The following IQSEC1 variants were observed in gnomAD, a reference collection of about 807,000 sequenced individuals.
IQSEC1 encodes the protein IQ motif and SEC7 domain-containing protein 1.
A neutral mutation model predicts 91.0 loss-of-function variants in IQSEC1; 31 were observed. The ratio of observed to expected loss-of-function variants is 0.34; its 90% CI spans 0.26 to 0.46. The LOEUF (loss-of-function observed/expected upper bound fraction) is 0.46. Among genes scored for constraint, IQSEC1 ranks in the 20% least tolerant of loss-of-function variants. The probability of loss-of-function intolerance (pLI) is 1.00; values close to 1 mark genes in which losing one functional copy is unlikely to be tolerated. For synonymous variants in IQSEC1, 699 were observed against 662.6 expected, an observed-to-expected ratio of 1.05 and a Z score of -0.84; for missense variants, 1,388 against 1,575.6, an observed-to-expected ratio of 0.88 and a Z score of 2.02.
chr3:12,901,621 G>A (rs1452424567), intron 13 of IQSEC1, 99 bp from the exon 14 acceptor site: 5 of 1,034,114 alleles, frequency 4.8e-6, no homozygotes, highest in Admixed American at 4.6e-5. Context: ...CCCACTGACT[G>A]CTAAGCTTTA....
chr3:13,176,397 A>C (rs34471533), intron 1 of IQSEC1, among the ~76,000 whole-genome samples: 2,543 of 152,062 alleles, frequency 0.017, 73 homozygotes, highest in African/African-American at 0.057. Flanking sequence ...GACTCTCCAG[A>C]CCCCATGAGA....
intron 1 of IQSEC1, among the ~76,000 whole-genome samples, chr3:13,226,905 C>T (rs986479224): frequency 5.3e-5 from 8 of 152,108 alleles, no homozygotes; most frequent in African/African-American, 1.4e-4. Flanking sequence ...ACAGCCTCCA[C>T]CCCCAAGGAC....
intron 1 of IQSEC1, among the ~76,000 whole-genome samples, chr3:13,203,494 C>T (rs536336731): frequency 6.4e-4 from 97 of 152,326 alleles, no homozygotes; most frequent in Non-Finnish European, 1.3e-3. Context: ...ACTCCCAAGC[C>T]TGTCCTGGTG....
At chr3:13,082,860 A>G (rs1335710789) in intron 2 of IQSEC1, among the ~76,000 whole-genome samples, 1 of 151,964 alleles carries the variant, frequency 6.6e-6, no homozygotes, top group Non-Finnish European at 1.5e-5. Flanking sequence ...GCCCACTGTC[A>G]GCCCCCCACT....
upstream of IQSEC1, among the ~76,000 whole-genome samples, chr3:13,073,572 C>T (rs376472791): frequency 3.3e-3 from 495 of 152,098 alleles, 6 homozygotes; most frequent in Admixed American, 0.025. Flanking sequence ...TGCGCCCTCG[C>T]GGCAAAGTCA....
chr3:13,074,884 A>G (rs1705538491), upstream of IQSEC1, among the ~76,000 whole-genome samples: 1 of 152,210 alleles, frequency 6.6e-6, no homozygotes, highest in South Asian at 2.1e-4. Context: ...TCAGGGGGTG[A>G]GCGATTTGCC....
intron 1 of IQSEC1, among the ~76,000 whole-genome samples, chr3:13,264,676 G>A (rs1048953184): frequency 1.1e-4 from 16 of 152,082 alleles, no homozygotes; most frequent in African/African-American, 3.9e-4. Context: ...GCAAGTGAAT[G>A]GGTGAACGAA....
In IQSEC1 at chr3:13,157,434, C is replaced by T. The variant is rs138914517; in HGVS notation, c.302+6670G>A. Among the ~76,000 whole-genome samples the T allele has an allele frequency of 4.6e-4, 70 of 152,284 alleles. 2 individuals carry two copies. The East Asian group carries it at 0.013, about 29-fold the overall frequency. ...AAAGGCCCAGTAGTGCCTCTGAAAG[C>T]AGGCTGAGGGTATCCAGAGGCCATT... On this transcript the variant is annotated intron_variant, in intron 2 of 15. Transcript: ENST00000648114.
At chr3:13,261,132 A>C (rs1479543502) in intron 1 of IQSEC1, among the ~76,000 whole-genome samples, 3 of 152,210 alleles carry the variant, frequency 2.0e-5, no homozygotes, top group Non-Finnish European at 4.4e-5. Context: ...TATAGCGGAC[A>C]CTGGGGAGGC....
Position 13,210,296 on chromosome 3 carries a change from G to A in IQSEC1, c.273-46163C>T, listed in dbSNP as rs190893964. Among the ~76,000 whole-genome samples, 281 of 151,718 alleles carry A rather than the reference G, an allele frequency of 1.9e-3. 2 individuals carry two copies. The highest frequency in any genetic ancestry group is 6.3e-3 in the African/African-American group (260 of 41,364). ...CCAAGTGCCCGGGACAGGGTAGGTC[G>A]TGCCCTTATCCTCGGGTGCCCTCCC... On this transcript the variant is annotated intron_variant, in intron 1 of 15. Coordinates refer to the IQSEC1 transcript ENST00000648114.
chr3:13,252,730 T>TTTTTTTTTTTTG (rs60219953), intron 1 of IQSEC1, among the ~76,000 whole-genome samples: 27 of 150,838 alleles, frequency 1.8e-4, no homozygotes, highest in Admixed American at 4.6e-4. Context: ...TTTTTTTTGT[T>TTTTTTTTTTTTG]TTTGTTTGTT....
At chr3:13,202,737 A>C (rs183809258) in intron 1 of IQSEC1, among the ~76,000 whole-genome samples, 38 of 152,296 alleles carry the variant, frequency 2.5e-4, no homozygotes, top group African/African-American at 8.2e-4. Flanking sequence ...TGAATGTACT[A>C]ATACCCCTGA....
At chr3:13,272,310 G>C (rs557854059) in intron 1 of IQSEC1, among the ~76,000 whole-genome samples, 4 of 152,326 alleles carry the variant, frequency 2.6e-5, no homozygotes, top group Non-Finnish European at 4.4e-5. Context: ...CATCAAGGTT[G>C]CTATTATTGC....
intron 1 of IQSEC1, among the ~76,000 whole-genome samples, chr3:13,053,498 G>A (rs926047359): frequency 1.3e-5 from 2 of 152,354 alleles, no homozygotes; most frequent in East Asian, 1.9e-4. Flanking sequence ...TCAGCCAGAC[G>A]ATGACCTTGT....
rs913102645 is a variant in IQSEC1, at chr3:12,900,822, C to G, written c.*161G>C. 2.0e-6 allele frequency: 3 copies of G among 1,498,428 alleles called. No homozygotes were observed. Among genetic ancestry groups the G allele is most frequent in the African/African-American group, 2.8e-5 (2 of 72,040 alleles). 92.8% of individuals were successfully genotyped at this position (1,498,428 alleles called of 1,614,324 possible). On this transcript the variant is annotated 3_prime_UTR_variant, in exon 14 of 14. Coordinates refer to ENST00000613206, the MANE Select transcript of IQSEC1 (RefSeq NM_001134382.3). Reference sequence around the variant, plus strand: ...ATCTGGGCCTTTGTTCCACACAACACCAGCCCTGTGGGCTCCTGGGGCTCC... The same window carrying G: ...ATCTGGGCCTTTGTTCCACACAACAGCAGCCCTGTGGGCTCCTGGGGCTCC...
chr3:13,162,537 A>G lies in IQSEC1; in HGVS notation c.302+1567T>C, dbSNP rs67204987. ...ATTCCTAGGTCTGCCCTGAGGAAGC[A>G]TACAGGCACTGGAGGCCCTGCCCCT... On this transcript the variant is annotated intron_variant, in intron 2 of 15. Transcript: ENST00000648114. Among the ~76,000 whole-genome samples the G allele has an allele frequency of 4.9e-3, 742 of 152,316 alleles. 6 individuals carry two copies. The highest frequency in any genetic ancestry group is 0.017 in the African/African-American group (689 of 41,566).
chr3:13,019,745 G>C (rs892392421), intron 1 of IQSEC1, among the ~76,000 whole-genome samples: 12 of 152,160 alleles, frequency 7.9e-5, no homozygotes, highest in Non-Finnish European at 1.5e-4. Flanking sequence ...TGCCAATTAT[G>C]GTGCCCACAC....
chr3:12,936,352 T>C lies in IQSEC1; in HGVS notation c.664A>G (p.Ile222Val). 2 of 1,605,562 alleles carry C rather than the reference T, an allele frequency of 1.2e-6. No individual in the cohort carries two copies. The highest frequency in any genetic ancestry group is 1.1e-5 in the South Asian group (1 of 90,550). Residue 222 changes from isoleucine (I) to valine (V), a missense_variant, in exon 3 of 14, where the codon ATC becomes GTC. This residue lies in a region of IQSEC1 where 1,059 missense variants were observed against 1,317.8 expected (regional missense o/e 0.80). Coordinates refer to ENST00000613206, the MANE Select transcript of IQSEC1 (RefSeq NM_001134382.3). Reference protein sequence around the residue: ...PAPSSDFADAITELEDAFSRQ... With the variant: ...PAPSSDFADAVTELEDAFSRQ... ...GAGAAGGCGTCCTCCAGCTCGGTGA[T>C]GGCGTCCGCAAAGTCACTGGAGGGG... is the stretch of plus-strand genomic sequence containing the variant.
intron 1 of IQSEC1, among the ~76,000 whole-genome samples, chr3:12,951,775 C>T (rs1010564790): frequency 2.0e-5 from 3 of 152,136 alleles, no homozygotes; most frequent in Admixed American, 1.3e-4. Context: ...TGAACATGAC[C>T]GGGTGGTGAG....
Sources: gnomAD v4.1 joint callset for allele counts (sites outside exome capture counted in the v4.1 genomes callset) on GRCh38, gnomAD v4.1.1 for gene constraint, gnomAD v4.1.1 regional missense constraint, MANE v1.5 for transcripts, NCBI Gene and HGNC (gene_info 2026-07-23, HGNC 2026-07-21) for gene names.